Variants in GTF3C3 observed in about 807,000 individuals in gnomAD.
GTF3C3 encodes the protein general transcription factor IIIC subunit 3, also known as general transcription factor 3C polypeptide 3.
A neutral mutation model predicts 105.2 loss-of-function variants in GTF3C3; 75 were observed. The ratio of observed to expected loss-of-function variants is 0.71; its 90% CI spans 0.59 to 0.86. The LOEUF (loss-of-function observed/expected upper bound fraction) is 0.86, where lower values mean the gene tolerates loss of function less well. GTF3C3 is among the 40% of genes least tolerant of loss of function. The pLI, the probability that GTF3C3 is intolerant of heterozygous loss-of-function variation, is 0.00. For missense variants in GTF3C3, 856 were observed against 1,076.5 expected (o/e 0.80, Z 2.87); for synonymous variants, 335 against 370.4 (o/e 0.90, Z 1.10).
chr2:196,787,963 C>T (rs550358294), intron 6 of GTF3C3, among the ~76,000 whole-genome samples: 9 of 152,310 alleles, frequency 5.9e-5, no homozygotes, highest in South Asian at 2.1e-4. Context: ...ACAATCATCA[C>T]TCTTTCCCAA....
chr2:196,773,588 A>G (rs1188392175), intron 13 of GTF3C3: 4 of 372,180 alleles, frequency 1.1e-5, no homozygotes, highest in Non-Finnish European at 2.2e-5. Flanking sequence ...TTTCAGGATA[A>G]TTCAAGCACA....
chr2:196,784,975 AC>A, intron 7 of GTF3C3, 46 bp from the exon 8 acceptor site: 1 of 1,244,944 alleles, frequency 8.0e-7, no homozygotes, highest in Non-Finnish European at 1.2e-6. Flanking sequence ...TGTGTGAAAA[AC>A]CATTTCATAA....
intron 1 of GTF3C3, 169 bp downstream of exon 1, chr2:196,799,341 C>T: frequency 1.7e-6 from 1 of 583,258 alleles, no homozygotes. Flanking sequence ...TTTTAAGGAG[C>T]TTAGCACAGG....
In GTF3C3 at chr2:196,772,983, G is replaced by C; in HGVS notation, c.2002C>G (p.Leu668Val). The change falls in exon 14 of 18, where the codon CTA (leucine) becomes GTA (valine). Residue 668 changes from leucine (L) to valine (V), a missense_variant. By Grantham distance (32) the Leu-to-Val change is conservative. Coordinates refer to ENST00000263956, the MANE Select transcript of GTF3C3 (RefSeq NM_012086.5). ...GCAGCAGACAGACCAAAGTATTCTA[G>C]TTCTTTGCGTTTTTGCCTGTCATCA... ...FYDDRQKRKE[L>V]EYFGLSAAIL... The C allele has an allele frequency of 6.2e-7, 1 of 1,611,432 alleles. No individual in the cohort carries two copies. The highest frequency in any genetic ancestry group is 8.5e-7 in the Non-Finnish European group (1 of 1,179,002).
chr2:196,792,251 G>C (rs976926717), intron 3 of GTF3C3, among the ~76,000 whole-genome samples: 1 of 152,080 alleles, frequency 6.6e-6, no homozygotes, highest in Non-Finnish European at 1.5e-5. Context: ...TCGACTTCCC[G>C]TGCTCAAGCA....
At position 196,769,935 on chromosome 2, in the gene GTF3C3, T is replaced by C; in HGVS notation, c.2365A>G (p.Arg789Gly). 1 of 1,607,548 alleles carries C rather than the reference T, an allele frequency of 6.2e-7. No homozygotes were observed. Among genetic ancestry groups the C allele is most frequent in the Non-Finnish European group, 8.5e-7 (1 of 1,176,440 alleles). The change falls in exon 16 of 18, where the codon AGA (arginine) becomes GGA (glycine). Residue 789 changes from arginine (R) to glycine (G), a missense_variant. This residue lies in a region of GTF3C3 where 134 missense variants were observed against 128.9 expected (regional missense o/e 1.04). Coordinates refer to ENST00000263956, the MANE Select transcript of GTF3C3 (RefSeq NM_012086.5). Reference protein sequence around the residue: ...HMASQKYVLRRHALIVQGFSF... With the variant: ...HMASQKYVLRGHALIVQGFSF... ...ATTACCTGTACAATAAGAGCATGTC[T>C]CCGTAACACATACTTCTGAGATGCC...
intron 8 of GTF3C3, among the ~76,000 whole-genome samples, chr2:196,784,557 T>C (rs1392650328): frequency 6.6e-6 from 1 of 152,184 alleles, no homozygotes. Context: ...GCTAAAAGTT[T>C]TTGATAAACT....
In GTF3C3 at chr2:196,776,300, T is replaced by C; in HGVS notation, c.1593+127A>G. The C allele has an allele frequency of 1.2e-6, 1 of 826,286 alleles. No individual in the cohort carries two copies. The highest frequency in any genetic ancestry group is 2.7e-5 in the Admixed American group (1 of 36,374). The allele number at this position is 826,286 out of a possible 1,614,324, so 51.2% of individuals were successfully genotyped here. ...GGCTGAAATCCAATACTTAAAATCA[T>C]TTTTCAAAAACTTGAATACACTAAA... On this transcript the variant is annotated intron_variant, in intron 11 of 17. Coordinates refer to ENST00000263956, the MANE Select transcript of GTF3C3 (RefSeq NM_012086.5). The surrounding 1 kb of genome is among the most constrained non-coding windows in gnomAD (Gnocchi z 4.5).
chr2:196,780,513 G>A (rs1699330281), intron 9 of GTF3C3, 46 bp downstream of exon 9: 1 of 1,579,606 alleles, frequency 6.3e-7, no homozygotes, highest in Admixed American at 1.7e-5. Flanking sequence ...GAAAAGAGAT[G>A]GTGCATTTGA....
rs1221712343 is a variant in GTF3C3 at position 196,786,019 on chromosome 2, C to CA, written c.894-432dup. Among the ~76,000 whole-genome samples, 1 of 152,114 alleles carries CA rather than the reference C, an allele frequency of 6.6e-6. No individual in the cohort carries two copies. The highest frequency in any genetic ancestry group is 6.6e-5 in the Admixed American group (1 of 15,256). On this transcript the variant is annotated intron_variant, in intron 6 of 17. Coordinates refer to ENST00000263956, the MANE Select transcript of GTF3C3 (RefSeq NM_012086.5). This position sits in a 1 kb window ranked among gnomAD's most constrained non-coding sequence, Gnocchi z 4.2. The stretch of plus-strand genomic sequence containing the variant: ...CTGCACTCTCTTGATCAAAATCACT[C>CA]AATAAAACTCCAAGCCTGGTTAAAA...
intron 17 of GTF3C3, among the ~76,000 whole-genome samples, chr2:196,765,616 T>C (rs1699048070): frequency 6.8e-6 from 1 of 147,732 alleles, no homozygotes; most frequent in African/African-American, 2.6e-5. Context: ...ATGTATGAAA[T>C]ACATATATAA....
intron 8 of GTF3C3, 86 bp downstream of exon 8, chr2:196,784,771 A>C: frequency 6.8e-7 from 1 of 1,461,166 alleles, no homozygotes; most frequent in Non-Finnish European, 9.1e-7. Context: ...AACTCACCAC[A>C]GTATGAAATA....
chr2:196,790,168 C>T, intron 4 of GTF3C3, 98 bp from the exon 5 acceptor site: 1 of 670,148 alleles, frequency 1.5e-6, no homozygotes, highest in East Asian at 3.0e-5. Flanking sequence ...TTTTTAAATA[C>T]CTAAACTCTT....
intron 6 of GTF3C3, among the ~76,000 whole-genome samples, chr2:196,788,155 T>C (rs1699484047): frequency 6.6e-6 from 1 of 152,240 alleles, no homozygotes; most frequent in Non-Finnish European, 1.5e-5. Context: ...TAGGGTTGCC[T>C]TGCCTCAACA....
intron 17 of GTF3C3, 137 bp from the exon 18 acceptor site, chr2:196,764,822 A>AAACT: frequency 1.6e-6 from 1 of 611,344 alleles, no homozygotes; most frequent in East Asian, 2.7e-5. Context: ...AAAAATTATA[A>AAACT]AACTATGCAT....
chr2:196,798,399 C>T (rs1287590441), intron 1 of GTF3C3, among the ~76,000 whole-genome samples: 1 of 151,772 alleles, frequency 6.6e-6, no homozygotes, highest in African/African-American at 2.4e-5. Flanking sequence ...ATGGCTCACA[C>T]CTGTGGTCTC....
chr2:196,764,827 A>C lies in GTF3C3; in HGVS notation c.2539-142T>G. 8 of 582,682 alleles carry C rather than the reference A, an allele frequency of 1.4e-5. No homozygotes were observed. In the South Asian group the frequency reaches 2.0e-4, roughly 14 times the overall value. The allele number at this position is 582,682 out of a possible 1,614,324, so 36.1% of individuals were successfully genotyped here. On this transcript the variant is annotated intron_variant, in intron 17 of 17. Coordinates refer to ENST00000263956, the MANE Select transcript of GTF3C3 (RefSeq NM_012086.5). ...TGTACTAAAAAAAAATTATAAAACT[A>C]TGCATATACCTTGGATCAATGCTGA...
intron 17 of GTF3C3, among the ~76,000 whole-genome samples, chr2:196,766,189 A>G (rs1401745701): frequency 1.3e-5 from 2 of 152,116 alleles, no homozygotes; most frequent in Admixed American, 6.5e-5. Context: ...ACTTTACCCT[A>G]TCTTAAAAAA....
In GTF3C3 at chr2:196,797,580, T is replaced by C. The variant is rs149515978; in HGVS notation, c.214+217A>G. ...AAATACTGATGTCAATTTAAAACACTTTTCCAACACCAGAGCTCACAAAAA... is the reference window on the plus strand; with the variant it reads ...AAATACTGATGTCAATTTAAAACACCTTTCCAACACCAGAGCTCACAAAAA... On this transcript the variant is annotated intron_variant, in intron 2 of 17. Coordinates refer to ENST00000263956, the MANE Select transcript of GTF3C3 (RefSeq NM_012086.5). Among the ~76,000 whole-genome samples the C allele has an allele frequency of 3.8e-3, 584 of 152,304 alleles. 4 individuals are homozygous for C. The highest frequency in any genetic ancestry group is 0.013 in the African/African-American group (548 of 41,568).
Sources: gnomAD v4.1 joint callset for allele counts (sites outside exome capture counted in the v4.1 genomes callset) on GRCh38, gnomAD v4.1.1 for gene constraint, gnomAD v4.1.1 regional missense constraint, Gnocchi (gnomAD v3.1) non-coding constraint, MANE v1.5 for transcripts, NCBI Gene and HGNC (gene_info 2026-07-23, HGNC 2026-07-21) for gene names.